KIAA0319: variants seen among roughly 807,000 people sequenced by gnomAD.
The protein encoded by KIAA0319 is KIAA0319.
KIAA0319 carries 83 observed loss-of-function variants against 108.4 expected under a neutral mutation model. That is an observed-to-expected ratio of 0.77 (90% confidence interval 0.64 to 0.92). KIAA0319 has a LOEUF of 0.92. KIAA0319 is among the 40% of genes least tolerant of loss of function. The pLI, the probability that KIAA0319 is intolerant of heterozygous loss-of-function variation, is 0.00. For missense variants in KIAA0319, 1,195 were observed against 1,322.4 expected, an observed-to-expected ratio of 0.90 and a Z score of 1.49; for synonymous variants, 484 against 510.4, an observed-to-expected ratio of 0.95 and a Z score of 0.70.
At chr6:24,618,074 A>C (rs903577290) in intron 1 of KIAA0319, among the ~76,000 whole-genome samples, 2 of 152,148 alleles carry the variant, frequency 1.3e-5, no homozygotes, top group Non-Finnish European at 2.9e-5. Flanking sequence ...AAATTTGGCC[A>C]CTGGGCTCTG....
At chr6:24,598,398 C>A in intron 2 of KIAA0319, 1 of 606,682 alleles carries the variant, frequency 1.6e-6, no homozygotes, top group Non-Finnish European at 3.1e-6. Context: ...TGGAGACCAA[C>A]TGGAGCCTCC....
Position 24,556,686 on chromosome 6 carries a change from G to A in KIAA0319, c.2778C>T (p.Leu926=), listed in dbSNP as rs745899546. 4.3e-6 allele frequency: 7 copies of A among 1,614,050 alleles called. No individual in the cohort carries two copies. Among genetic ancestry groups the A allele is most frequent in the Non-Finnish European group, 5.9e-6 (7 of 1,179,976 alleles). The part of the protein sequence containing the change: ...KCSGHGHCDP[L]TKRCICSHLW... The stretch of plus-strand genomic sequence containing the variant: ...AGTGAGAGCAAATGCAGCGCTTTGT[G>A]AGGGGGTCGCAGTGACCATGGCCAG... The change falls in exon 18 of 21, where the codon CTC becomes CTT. Residue 926 remains leucine (L), a synonymous_variant. Coordinates refer to ENST00000378214, the MANE Select transcript of KIAA0319 (RefSeq NM_014809.4).
At chr6:24,629,297 C>T (rs563367340) in intron 1 of KIAA0319, among the ~76,000 whole-genome samples, 22 of 152,058 alleles carry the variant, frequency 1.4e-4, no homozygotes, top group Non-Finnish European at 2.2e-4. Context: ...GGGAGGATCA[C>T]GAGGTCAGGA....
Position 24,596,403 on chromosome 6 carries a change from T to C in KIAA0319, c.271A>G (p.Lys91Glu), listed in dbSNP as rs367981090. ...TAAGACCTGATGGGGCCCATCTTCT[T>C]GGGCTCACAGTTCTCTTTGTGGGGG... ...SCPHKENCEP[K>E]KMGPIRSYLT... Residue 91 changes from lysine (K) to glutamate (E), a missense_variant, in exon 3 of 21, where the codon AAG becomes GAG. Physicochemically the swap from Lys to Glu is moderately conservative, Grantham distance 56. Transcript: ENST00000378214. 5 of 1,614,112 alleles carry C rather than the reference T, an allele frequency of 3.1e-6. No individual in the cohort carries two copies. Among genetic ancestry groups the C allele is most frequent in the Non-Finnish European group, 4.2e-6 (5 of 1,180,040 alleles).
intron 1 of KIAA0319, among the ~76,000 whole-genome samples, chr6:24,616,525 TG>T (rs1773179208): frequency 6.6e-6 from 1 of 152,190 alleles, no homozygotes; most frequent in Admixed American, 6.5e-5. Flanking sequence ...AGCTAATTTT[TG>T]TATTTTTAGT....
intron 2 of KIAA0319, 36 bp from the exon 3 acceptor site, chr6:24,596,654 CA>C: frequency 6.4e-7 from 1 of 1,552,202 alleles, no homozygotes; most frequent in Non-Finnish European, 8.7e-7. Flanking sequence ...GGGAGAGAGG[CA>C]TATCACAGGG....
rs1478710717 is a variant in KIAA0319 at position 24,545,967 on chromosome 6, C to A, written c.*1198G>T. On this transcript the variant is annotated 3_prime_UTR_variant, in exon 21 of 21. Coordinates refer to ENST00000378214, the MANE Select transcript of KIAA0319 (RefSeq NM_014809.4). ...AATGCCAAGGGCACCACCAAGGCCA[C>A]CAGCCTCAGGACCAAGGGTGGATGG... The A allele has an allele frequency of 6.6e-6, 1 of 152,256 alleles. No individual in the cohort carries two copies. Among genetic ancestry groups the A allele is most frequent in the African/African-American group, 2.4e-5 (1 of 41,450 alleles). The allele number at this position is 152,256 out of a possible 1,614,324, so 9.4% of individuals were successfully genotyped here.
intron 13 of KIAA0319, 86 bp downstream of exon 13, chr6:24,568,695 A>G (rs992298628): frequency 1.9e-5 from 26 of 1,349,014 alleles, no homozygotes; most frequent in Non-Finnish European, 2.1e-5. Flanking sequence ...AAACACCAAC[A>G]TCTCTGAATA....
chr6:24,574,340 G>A (rs1203785438), intron 10 of KIAA0319, among the ~76,000 whole-genome samples: 2 of 151,856 alleles, frequency 1.3e-5, no homozygotes, highest in East Asian at 3.9e-4. Context: ...GGGAGGCTGA[G>A]ATGGGAGGAT....
At chr6:24,609,955 A>C (rs1344005832) in intron 1 of KIAA0319, among the ~76,000 whole-genome samples, 1 of 152,244 alleles carries the variant, frequency 6.6e-6, no homozygotes, top group Non-Finnish European at 1.5e-5. Flanking sequence ...ATCGAGACCC[A>C]AATATCAGAG....
At chr6:24,643,339 C>G (rs947243598) in intron 1 of KIAA0319, among the ~76,000 whole-genome samples, 3 of 152,018 alleles carry the variant, frequency 2.0e-5, no homozygotes, top group African/African-American at 7.3e-5. Context: ...CTACACTATT[C>G]GGGTAATGGG....
intron 1 of KIAA0319, among the ~76,000 whole-genome samples, chr6:24,616,395 G>A (rs1279879585): frequency 2.0e-5 from 3 of 152,188 alleles, no homozygotes; most frequent in African/African-American, 7.2e-5. Context: ...GTCTCGCTCT[G>A]TTGCCAGGCT....
chr6:24,566,775 C>T, intron 13 of KIAA0319, 27 bp from the exon 14 acceptor site: 1 of 1,585,978 alleles, frequency 6.3e-7, no homozygotes, highest in Non-Finnish European at 8.6e-7. Flanking sequence ...AAAATGAAAG[C>T]AAAGAGATTG....
Position 24,583,660 on chromosome 6 carries a change from G to GT in KIAA0319, c.1036dup (p.Thr346AsnfsTer6). 3.1e-6 allele frequency: 5 copies of GT among 1,613,772 alleles called. No individual in the cohort carries two copies. Among genetic ancestry groups the GT allele is most frequent in the Non-Finnish European group, 2.5e-6 (3 of 1,179,814 alleles). On this transcript the variant is annotated frameshift_variant, in exon 5 of 21. Coordinates refer to ENST00000378214, the MANE Select transcript of KIAA0319 (RefSeq NM_014809.4). LOFTEE classifies it high-confidence loss of function. ...CAGTTCAACTTCATTGTCGGGTAAA[G>GT]TTATAATTAGGTTATCTCCAGCCGA...
intron 1 of KIAA0319, among the ~76,000 whole-genome samples, chr6:24,611,418 G>C (rs1382238543): frequency 1.3e-5 from 2 of 152,172 alleles, no homozygotes; most frequent in South Asian, 4.1e-4. Context: ...AGAATCGCCT[G>C]AATCCGGGAG....
At chr6:24,558,270 T>TA (rs1762577160) in intron 17 of KIAA0319, among the ~76,000 whole-genome samples, 1 of 128,910 alleles carries the variant, frequency 7.8e-6, no homozygotes. Flanking sequence ...CTACTAAAAA[T>TA]ACCAAAAAAA....
At chr6:24,547,491 T>C (rs1165315880) in intron 20 of KIAA0319, 148 bp from the exon 21 acceptor site, 3 of 654,058 alleles carry the variant, frequency 4.6e-6, no homozygotes, top group Non-Finnish European at 7.8e-6. Context: ...CGGTTTGGGT[T>C]TCCTAGCAAG....
At chr6:24,578,706 T>G (rs1765901080) in intron 8 of KIAA0319, among the ~76,000 whole-genome samples, 1 of 152,218 alleles carries the variant, frequency 6.6e-6, no homozygotes, top group Non-Finnish European at 1.5e-5. Context: ...GCTCACAGCC[T>G]TACATGAAAA....
intron 2 of KIAA0319, chr6:24,598,590 A>C (rs553842188): frequency 2.6e-6 from 1 of 383,254 alleles, no homozygotes; most frequent in Non-Finnish European, 5.1e-6. Context: ...ATAATTTTAC[A>C]GAAGGGTGGG....
Sources: allele counts gnomAD v4.1 joint callset (sites outside exome capture counted in the v4.1 genomes callset), GRCh38; gene constraint gnomAD v4.1.1; transcripts MANE v1.5; gene names NCBI Gene and HGNC (gene_info 2026-07-23, HGNC 2026-07-21).